Variants in OBSL1 observed in about 807,000 individuals in gnomAD.
OBSL1 encodes the protein obscurin-like protein 1.
A neutral mutation model predicts 172.0 loss-of-function variants in OBSL1; 160 were observed. The ratio of observed to expected loss-of-function variants is 0.93; its 90% CI spans 0.82 to 1.06. OBSL1 has a LOEUF of 1.06. Ranked by LOEUF, OBSL1 falls within the 50% of genes least tolerant of loss-of-function variation. The pLI, the probability that OBSL1 is intolerant of heterozygous loss-of-function variation, is 0.00. For synonymous variants in OBSL1, 1,200 were observed against 1,196.3 expected (o/e 1.00, Z -0.06); for missense variants, 2,681 against 2,715.4 (o/e 0.99, Z 0.28).
intron 8 of OBSL1, chr2:219,561,720 TG>T (rs1351862949): frequency 1.8e-5 from 11 of 627,846 alleles, no homozygotes; most frequent in Non-Finnish European, 3.2e-5. Context: ...CAGGTGTCAC[TG>T]TACATTTATT....
chr2:219,571,045 T>C lies in OBSL1; in HGVS notation c.188A>G (p.Asp63Gly), dbSNP rs1364672065. ...CAGCAGCAGGCCGTGCTCCGCGCCG[T>C]CCGCCGGGAAGCTCAGGCGTTCCGA... ...AASERLSFPADGAEHGLLLTA... is the reference protein window; with the variant it reads ...AASERLSFPAGGAEHGLLLTA... Residue 63 changes from aspartate (D) to glycine (G), a missense_variant, in exon 1 of 21, where the codon GAC becomes GGC. This residue lies in a region of OBSL1 where 67 missense variants were observed against 109.3 expected (regional missense o/e 0.61). Coordinates refer to ENST00000404537, the MANE Select transcript of OBSL1 (RefSeq NM_015311.3). The C allele has an allele frequency of 1.6e-5, 23 of 1,458,690 alleles. 1 individual carries two copies. The highest frequency in any genetic ancestry group is 3.7e-4 in the Middle Eastern group (2 of 5,342). The allele number at this position is 1,458,690 out of a possible 1,614,324, so 90.4% of individuals were successfully genotyped here. A position where few individuals can be genotyped will look rare whatever the true frequency, so the allele number is the denominator to read the frequency against.
In OBSL1 at chr2:219,554,198, G is replaced by C. The variant is rs1393840315; in HGVS notation, c.4876+276C>G. 3 of 540,088 alleles carry C rather than the reference G, an allele frequency of 5.6e-6. No individual in the cohort carries two copies. The East Asian group carries it at 9.4e-5, about 17-fold the overall frequency. The allele number at this position is 540,088 out of a possible 1,614,324, so 33.5% of individuals were successfully genotyped here. On this transcript the variant is annotated intron_variant, in intron 15 of 20. Transcript: ENST00000404537. The stretch of plus-strand genomic sequence containing the variant: ...CAGTGGGGTGGTGTGCAGGCGGGCA[G>C]ACAGCAGTGACCACAATGGCAAAGG...
chr2:219,556,251 C>T lies in OBSL1; in HGVS notation c.4378G>A (p.Ala1460Thr). 1 of 1,597,020 alleles carries T rather than the reference C, an allele frequency of 6.3e-7. No homozygotes were observed. The highest frequency in any genetic ancestry group is 8.6e-7 in the Non-Finnish European group (1 of 1,168,038). Residue 1460 changes from alanine to threonine, a missense_variant, in exon 14 of 21, where the codon GCA (alanine) becomes ACA (threonine). This residue lies in a region of OBSL1 where 1,765 missense variants were observed against 1,748.3 expected (regional missense o/e 1.01). Transcript: ENST00000404537. ...LFLRRLQDVR[A>T]EEGQDVCLEV... ...AGACACACATCCTGGCCTTCCTCTG[C>T]CCGCACATCCTGCAACCGCCGTAGG...
rs978607404 is a variant in OBSL1, at chr2:219,552,589, T to C, written c.5255A>G (p.Glu1752Gly). Residue 1752 changes from glutamate (E) to glycine (G), a missense_variant, in exon 18 of 21, where the codon GAG becomes GGG. Physicochemically the swap from Glu to Gly is moderately conservative, Grantham distance 98 (BLOSUM62 -2). Coordinates refer to ENST00000404537, the MANE Select transcript of OBSL1 (RefSeq NM_015311.3). ...VSEVETTGRW[E>G]LGGRPLRPGA... is the part of the protein sequence containing the mutation. ...GGGTCTCAGCGGGCGGCCTCCGAGCTCCCAGCGCCCCGTGGTCTCGACCTC... is the reference window on the plus strand; with the variant it reads ...GGGTCTCAGCGGGCGGCCTCCGAGCCCCCAGCGCCCCGTGGTCTCGACCTC... The C allele has an allele frequency of 6.3e-7, 1 of 1,587,690 alleles. No individual in the cohort carries two copies. The highest frequency in any genetic ancestry group is 8.5e-7 in the Non-Finnish European group (1 of 1,173,526).
chr2:219,548,402 T>C (rs547061919), downstream of OBSL1, among the ~76,000 whole-genome samples: 13 of 152,104 alleles, frequency 8.5e-5, no homozygotes, highest in Non-Finnish European at 1.6e-4. Flanking sequence ...TCCAGTTGTG[T>C]AGAGTGATAT....
rs1696553807 is a variant in OBSL1, at chr2:219,562,489, C to T, written c.2866G>A (p.Val956Met). ...TCCTCGAGCTGGACAGCGGGCAGCA[C>T]CAGGCGGCGGACAGTGTCTTCCTTC... ...LQKEDTVRRLVLPAVQLEDSG... is the reference protein window; with the variant it reads ...LQKEDTVRRLMLPAVQLEDSG... Residue 956 changes from valine (V) to methionine (M), a missense_variant, in exon 8 of 21, where the codon GTG becomes ATG. Physicochemically the swap from Val to Met is conservative, Grantham distance 21. Transcript: ENST00000404537. 3 of 1,614,036 alleles carry T rather than the reference C, an allele frequency of 1.9e-6. No individual in the cohort carries two copies. The highest frequency in any genetic ancestry group is 2.2e-5 in the East Asian group (1 of 44,890).
In OBSL1 at chr2:219,560,503, G is replaced by T. The variant is rs535828848; in HGVS notation, c.2954-1006C>A. Among the ~76,000 whole-genome samples the T allele has an allele frequency of 2.0e-4, 30 of 152,244 alleles. No individual in the cohort carries two copies. In the East Asian group the frequency reaches 2.9e-3, roughly 15 times the overall value. On this transcript the variant is annotated intron_variant, in intron 8 of 20. Transcript: ENST00000404537. Reference sequence around the variant, plus strand: ...CCTGCCCACACCCCTGCTGCCCCCAGGTCCCCCCAGAATCTTCAAGTTTTG... The same window carrying T: ...CCTGCCCACACCCCTGCTGCCCCCATGTCCCCCCAGAATCTTCAAGTTTTG...
rs1413921010 is a variant in OBSL1 at position 219,557,540 on chromosome 2, A to G, written c.3869T>C (p.Val1290Ala). 6.4e-7 allele frequency: 1 copy of G among 1,552,744 alleles called. No individual in the cohort carries two copies. Among genetic ancestry groups the G allele is most frequent in the Non-Finnish European group, 8.7e-7 (1 of 1,148,638 alleles). Reference sequence around the variant, plus strand: ...GCCCCCTGGCCCGGAGAGGTGCACCACCAGCTCTAGGTCCCCGCCTGGGGT... The same window carrying G: ...GCCCCCTGGCCCGGAGAGGTGCACCGCCAGCTCTAGGTCCCCGCCTGGGGT... Reference protein sequence around the residue: ...RSTPGGDLELVVHLSGPGGPV... With the variant: ...RSTPGGDLELAVHLSGPGGPV... Residue 1290 changes from valine to alanine, a missense_variant, in exon 12 of 21, where the codon GTG (valine) becomes GCG (alanine). By Grantham distance (64) the Val-to-Ala change is moderately conservative. Around this residue, in one of 5 missense-constraint regions of OBSL1, gnomAD observed 1,765 missense variants for 1,748.3 expected, o/e 1.01. Coordinates refer to ENST00000404537, the MANE Select transcript of OBSL1 (RefSeq NM_015311.3).
At position 219,557,502 on chromosome 2, in the gene OBSL1, A is replaced by G. The variant is rs1437554660; in HGVS notation, c.3907T>C (p.Tyr1303His). 1.9e-6 allele frequency: 3 copies of G among 1,553,370 alleles called. No homozygotes were observed. Among genetic ancestry groups the G allele is most frequent in the Non-Finnish European group, 1.7e-6 (2 of 1,149,076 alleles). ...CTTGCCAGTCGCTCCCCGTCCTTGTACCAGCGTACAGGGCCCCCTGGCCCG... is the reference window on the plus strand; with the variant it reads ...CTTGCCAGTCGCTCCCCGTCCTTGTGCCAGCGTACAGGGCCCCCTGGCCCG... ...LSGPGGPVRW[Y>H]KDGERLASQG... Residue 1303 changes from tyrosine to histidine, a missense_variant, in exon 12 of 21, where the codon TAC (tyrosine) becomes CAC (histidine). By Grantham distance (83) the Tyr-to-His change is moderately conservative. Around this residue, in one of 5 missense-constraint regions of OBSL1, gnomAD observed 1,765 missense variants for 1,748.3 expected, o/e 1.01. Transcript: ENST00000404537.
At chr2:219,547,461 T>G, downstream of OBSL1, 1 of 1,388,554 alleles carries the variant, frequency 7.2e-7, no homozygotes, top group Non-Finnish European at 9.4e-7. Flanking sequence ...CCCTCCAGCC[T>G]GGTGCCCTCA....
intron 16 of OBSL1, 110 bp downstream of exon 16, chr2:219,553,464 T>G (rs1695778658): frequency 2.4e-6 from 2 of 833,486 alleles, no homozygotes; most frequent in African/African-American, 3.4e-5. Context: ...AATGCAAATC[T>G]TAGCACAGTG....
rs1366429593 is a variant in OBSL1, at chr2:219,552,881, G to A, written c.5133C>T (p.Arg1711=). The A allele has an allele frequency of 2.6e-6, 4 of 1,542,226 alleles. No individual in the cohort carries two copies. The highest frequency in any genetic ancestry group is 3.5e-6 in the Non-Finnish European group (4 of 1,145,382). Residue 1711 remains arginine, a synonymous_variant, in exon 17 of 21, where the codon CGC becomes CGT. Coordinates refer to ENST00000404537, the MANE Select transcript of OBSL1 (RefSeq NM_015311.3). ...AVGTARAGPV[R]LTVRERTVAV... ...CCCCGTACCCACCGCGCACGGTCAG[G>A]CGGACCGGTCCGGCGCGGGCCGTCC...
Position 219,570,973 on chromosome 2 carries a change from CG to C in OBSL1, c.259del (p.Arg87AlafsTer61), listed in dbSNP as rs2106118762. ...CGCGTAGGCCTCGCCGGCCGCGTTG[CG>C]GGCGCGGCACACGTAGACCCCCGCG... ...TDAGVYVCRA[R>X]NAAGEAYAAA... On this transcript the variant is annotated frameshift_variant, in exon 1 of 21. Coordinates refer to ENST00000404537, the MANE Select transcript of OBSL1 (RefSeq NM_015311.3). LOFTEE classifies it high-confidence loss of function. The C allele has an allele frequency of 2.3e-6, 3 of 1,289,184 alleles. No homozygotes were observed. The highest frequency in any genetic ancestry group is 2.9e-6 in the Non-Finnish European group (3 of 1,025,564). 79.9% of individuals were successfully genotyped at this position (1,289,184 alleles called of 1,614,324 possible).
chr2:219,557,014 G>A (rs1480609751), intron 12 of OBSL1: 1 of 492,920 alleles, frequency 2.0e-6, no homozygotes, highest in Non-Finnish European at 3.5e-6. Flanking sequence ...AGGCCTATAA[G>A]AAAAGCACTA....
intron 9 of OBSL1, 36 bp from the exon 10 acceptor site, chr2:219,558,495 GGCCA>G: frequency 6.6e-7 from 1 of 1,510,356 alleles, no homozygotes; most frequent in South Asian, 1.3e-5. Context: ...ACATAGGCTT[GGCCA>G]GCAGGCCTCT....
In OBSL1 at chr2:219,566,362, G is replaced by C. The variant is rs1218009624; in HGVS notation, c.2134+468C>G. On this transcript the variant is annotated intron_variant, in intron 5 of 20. Transcript: ENST00000404537. ...CCATTGCACTCCAGCCTGGGCGACA[G>C]AGTGAGACTCTATCTCAAAAAAAAA... 3.6e-4 allele frequency among the ~76,000 whole-genome samples: 55 copies of C among 151,640 alleles called. 2 individuals carry two copies. The highest frequency in any genetic ancestry group is 2.9e-5 in the Non-Finnish European group (2 of 67,972).
chr2:219,547,663 G>C (rs750972347), downstream of OBSL1: 3 of 1,536,570 alleles, frequency 2.0e-6, no homozygotes, highest in Non-Finnish European at 2.6e-6. Flanking sequence ...TCTGCGGGCT[G>C]GTGGCCATGC....
chr2:219,567,896 A>G lies in OBSL1; in HGVS notation c.1356T>C (p.Thr452=), dbSNP rs1357809096. Residue 452 remains threonine, a synonymous_variant, in exon 3 of 21, where the codon ACT becomes ACC. Coordinates refer to ENST00000404537, the MANE Select transcript of OBSL1 (RefSeq NM_015311.3). ...EGENAVLLVE[T]LEAGVEGRWS... ...AGCGTCCCTCGACCCCGGCCTCTAG[A>G]GTTTCCACTAGCAGCACAGCATTCT... 8.1e-6 allele frequency: 13 copies of G among 1,613,762 alleles called. No individual in the cohort carries two copies. Among genetic ancestry groups the G allele is most frequent in the Non-Finnish European group, 1.1e-5 (13 of 1,179,876 alleles).
intron 14 of OBSL1, chr2:219,555,721 C>A (rs905398171): frequency 1.4e-5 from 18 of 1,273,138 alleles, no homozygotes; most frequent in South Asian, 4.7e-5. Context: ...GTATGTGTAT[C>A]CCTAGAATAC....
Sources: allele counts gnomAD v4.1 joint callset (sites outside exome capture counted in the v4.1 genomes callset), GRCh38; gene constraint gnomAD v4.1.1; regional missense constraint gnomAD v4.1.1; transcripts MANE v1.5; gene names NCBI Gene and HGNC (gene_info 2026-07-23, HGNC 2026-07-21).